EP300: variants seen among roughly 807,000 people sequenced by gnomAD.
The protein encoded by EP300 is EP300 lysine acetyltransferase.
In EP300, 31 loss-of-function variants were observed where a neutral mutation model predicts 264.0. The observed-to-expected ratio is 0.12, with a 90% CI of 0.09 to 0.16. The LOEUF is 0.16. Among genes scored for constraint, EP300 ranks in the 10% least tolerant of loss-of-function variants. EP300 has a pLI of 1.00. For synonymous variants in EP300, 1,340 were observed against 1,045.4 expected, an observed-to-expected ratio of 1.28 and a Z score of -5.44; for missense variants, 2,766 against 3,052.9, an observed-to-expected ratio of 0.91 and a Z score of 2.21.
intron 1 of EP300, among the ~76,000 whole-genome samples, chr22:41,096,928 A>G (rs560713302): frequency 4.6e-5 from 7 of 152,104 alleles, no homozygotes; most frequent in Admixed American, 1.3e-4. Context: ...TGTCAGCTCT[A>G]TTTTCTTAAA....
Position 41,173,549 on chromosome 22 carries a change from G to A in EP300, c.4618-74G>A, listed in dbSNP as rs2059182770. ...ATTATGATATCTAGTTTCAAAGAAG[G>A]GAGATATTCTGTGCTATTCCCAAAT... On this transcript the variant is annotated intron_variant, in intron 28 of 30. Coordinates refer to ENST00000263253, the MANE Select transcript of EP300 (RefSeq NM_001429.4). The A allele has an allele frequency of 2.1e-6, 3 of 1,446,984 alleles. No individual in the cohort carries two copies. The East Asian group carries it at 7.0e-5, about 34-fold the overall frequency. 89.6% of individuals were successfully genotyped at this position (1,446,984 alleles called of 1,614,324 possible).
intron 1 of EP300, among the ~76,000 whole-genome samples, chr22:41,102,029 CTTTTTT>C (rs5845488): frequency 8.4e-6 from 1 of 119,262 alleles, no homozygotes; most frequent in African/African-American, 3.1e-5. Flanking sequence ...TTTTTCTTTT[CTTTTTT>C]TTTTTTTTTT....
intron 23 of EP300, among the ~76,000 whole-genome samples, chr22:41,167,691 C>A (rs1349940692): frequency 2.2e-5 from 3 of 139,534 alleles, no homozygotes; most frequent in Non-Finnish European, 3.1e-5. Flanking sequence ...ACTGTGTTGT[C>A]CAGGCTGATC....
chr22:41,136,517 G>A (rs921412239), intron 7 of EP300, among the ~76,000 whole-genome samples: 3 of 151,996 alleles, frequency 2.0e-5, no homozygotes, highest in Non-Finnish European at 4.4e-5. Flanking sequence ...AAAAGTTAAC[G>A]GGGCATGGTG....
intron 2 of EP300, among the ~76,000 whole-genome samples, chr22:41,121,708 A>G (rs2058852958): frequency 6.6e-6 from 1 of 152,222 alleles, no homozygotes; most frequent in Non-Finnish European, 1.5e-5. Context: ...GCATGCAATC[A>G]TGAAGGACCA....
At chr22:41,148,886 TC>T in intron 12 of EP300, 151 bp from the exon 13 acceptor site, 1 of 947,650 alleles carries the variant, frequency 1.1e-6, no homozygotes, top group South Asian at 1.5e-5. Flanking sequence ...ACAACTTTCT[TC>T]CTTCTCCTCT....
At chr22:41,151,525 T>C in intron 14 of EP300, among the ~76,000 whole-genome samples, 1 of 152,182 alleles carries the variant, frequency 6.6e-6, no homozygotes, top group Non-Finnish European at 1.5e-5. Flanking sequence ...TCTGTATAAA[T>C]GTGAGCTCCT....
At chr22:41,153,606 C>T (rs1352120291) in intron 16 of EP300, among the ~76,000 whole-genome samples, 1 of 151,998 alleles carries the variant, frequency 6.6e-6, no homozygotes, top group Non-Finnish European at 1.5e-5. Flanking sequence ...AAAAGTTAGC[C>T]GGGTGTGGTG....
intron 1 of EP300, among the ~76,000 whole-genome samples, chr22:41,099,086 A>G (rs1044015933): frequency 3.3e-5 from 5 of 152,056 alleles, no homozygotes; most frequent in Non-Finnish European, 5.9e-5. Flanking sequence ...TTGATTTGCA[A>G]CGAAGTCTTG....
At chr22:41,142,900 T>TG (rs1200833864) in intron 10 of EP300, among the ~76,000 whole-genome samples, 1 of 150,594 alleles carries the variant, frequency 6.6e-6, no homozygotes, top group Non-Finnish European at 1.5e-5. Context: ...AAAAAACAAG[T>TG]GGACATACCT....
In EP300 at chr22:41,139,148, T is replaced by G. The variant is rs149591753; in HGVS notation, c.1761-992T>G. ...TTTGTATTTTTAGTAGAGATGGGGT[T>G]TCGCCGTGTTGGCCAGGCTGGTCTC... is the stretch of plus-strand genomic sequence containing the variant. On this transcript the variant is annotated intron_variant, in intron 8 of 30. Coordinates refer to ENST00000263253, the MANE Select transcript of EP300 (RefSeq NM_001429.4). Among the ~76,000 whole-genome samples the G allele has an allele frequency of 9.4e-3, 1,437 of 152,270 alleles. 18 individuals carry two copies. Among genetic ancestry groups the G allele is most frequent in the African/African-American group, 0.027 (1,117 of 41,546 alleles).
Position 41,115,918 on chromosome 22 carries a change from A to G in EP300, c.95-1269A>G, listed in dbSNP as rs543197555. Among the ~76,000 whole-genome samples, 5 of 152,364 alleles carry G rather than the reference A, an allele frequency of 3.3e-5. No homozygotes were observed. The East Asian group carries it at 9.6e-4, about 29-fold the overall frequency. The stretch of plus-strand genomic sequence containing the variant: ...GGATAGCCCTCTGCTTAACTGGAGC[A>G]CACACTGAGTGTTCCACAAATGACA... On this transcript the variant is annotated intron_variant, in intron 1 of 30. Transcript: ENST00000263253.
In EP300 at chr22:41,172,476, T is replaced by C. The variant is rs2076577; in HGVS notation, c.4453-23T>C. On this transcript the variant is annotated intron_variant, in intron 27 of 30. Coordinates refer to ENST00000263253, the MANE Select transcript of EP300 (RefSeq NM_001429.4). ...CTTTAAAAGAACATAGAAATTCCTA[T>C]ATGTACATGCATGTTTTCACAGGAT... 973,677 of 1,582,700 alleles carry C rather than the reference T, an allele frequency of 0.62. 307,719 individuals carry two copies. Among genetic ancestry groups the C allele is most frequent in the Admixed American group, 0.78 (46,838 of 59,828 alleles).
Position 41,169,524 on chromosome 22 carries a change from C to T in EP300, c.4194C>T (p.Leu1398=), listed in dbSNP as rs1055946737. The change falls in exon 26 of 31, where the codon CTC becomes CTT. Residue 1398 remains leucine, a synonymous_variant. Coordinates refer to ENST00000263253, the MANE Select transcript of EP300 (RefSeq NM_001429.4). ...ATAGGAGAGTATACATATCTTACCTCGATAGTGTTCATTTCTTCCGTCCTA... is the reference window on the plus strand; with the variant it reads ...ATAGGAGAGTATACATATCTTACCTTGATAGTGTTCATTTCTTCCGTCCTA... ...PNQRRVYISY[L]DSVHFFRPKC... The T allele has an allele frequency of 1.0e-5, 16 of 1,607,854 alleles. No homozygotes were observed. Among genetic ancestry groups the T allele is most frequent in the African/African-American group, 5.4e-5 (4 of 74,738 alleles).
At chr22:41,172,170 A>G (rs2059174513) in intron 27 of EP300, among the ~76,000 whole-genome samples, 1 of 152,200 alleles carries the variant, frequency 6.6e-6, no homozygotes, top group Admixed American at 6.5e-5. Context: ...TTCTGTGATA[A>G]GGAGTGGTAG....
At chr22:41,101,863 G>A (rs768839697) in intron 1 of EP300, among the ~76,000 whole-genome samples, 5 of 152,128 alleles carry the variant, frequency 3.3e-5, no homozygotes, top group Non-Finnish European at 5.9e-5. Flanking sequence ...AAAGGAGGAA[G>A]AAGAAAAGTA....
intron 8 of EP300, among the ~76,000 whole-genome samples, chr22:41,138,139 C>G (rs2058962557): frequency 6.6e-6 from 1 of 152,054 alleles, no homozygotes; most frequent in African/African-American, 2.4e-5. Context: ...TGATAACATC[C>G]TTTTCTGTTA....
At chr22:41,167,621 T>C (rs1451073069) in intron 23 of EP300, among the ~76,000 whole-genome samples, 4 of 62,110 alleles carry the variant, frequency 6.4e-5, no homozygotes, top group East Asian at 1.0e-3. Context: ...TATATATATA[T>C]ATATATATAT....
intron 27 of EP300, among the ~76,000 whole-genome samples, chr22:41,171,409 T>A (rs1839433885): frequency 6.6e-6 from 1 of 152,174 alleles, no homozygotes; most frequent in Non-Finnish European, 1.5e-5. Flanking sequence ...TGATACCCGC[T>A]CATTGCAACC....
Sources: allele counts gnomAD v4.1 joint callset (sites outside exome capture counted in the v4.1 genomes callset), GRCh38; gene constraint gnomAD v4.1.1; transcripts MANE v1.5; gene names NCBI Gene and HGNC (gene_info 2026-07-23, HGNC 2026-07-21).